The following MAN2A1 variants were observed in gnomAD, a reference collection of about 807,000 sequenced individuals.
The protein encoded by MAN2A1 is alpha-mannosidase 2.
A neutral mutation model predicts 142.6 loss-of-function variants in MAN2A1; 76 were observed. That is an observed-to-expected ratio of 0.53 (90% CI 0.44 to 0.65). The LOEUF is 0.65. Ranked by LOEUF, MAN2A1 falls within the 30% of genes least tolerant of loss-of-function variation. The pLI is 0.00. For synonymous variants in MAN2A1, 559 were observed against 473.2 expected (o/e 1.18, Z -2.35); for missense variants, 1,311 against 1,365.1 (o/e 0.96, Z 0.62).
intron 12 of MAN2A1, among the ~76,000 whole-genome samples, chr5:109,796,320 C>T (rs1025359685): frequency 2.0e-5 from 3 of 152,090 alleles, no homozygotes; most frequent in African/African-American, 7.2e-5. Flanking sequence ...ATGAAAACTC[C>T]AATTACTGGT....
At position 109,698,491 on chromosome 5, in the gene MAN2A1, T is replaced by A. The variant is rs77576314; in HGVS notation, c.135+7939T>A. ...CTGAGTCCGAACAAAATGGGGGTAA[T>A]GCGTCTCATCGAGTAGTATTAAGGT... On this transcript the variant is annotated intron_variant, in intron 1 of 21. Transcript: ENST00000261483. 8.6e-3 allele frequency among the ~76,000 whole-genome samples: 1,301 copies of A among 151,988 alleles called. 19 individuals are homozygous for A. Among genetic ancestry groups the A allele is most frequent in the African/African-American group, 0.03 (1,237 of 41,330 alleles).
At chr5:109,769,578 T>C (rs1185602721) in intron 6 of MAN2A1, among the ~76,000 whole-genome samples, 1 of 152,208 alleles carries the variant, frequency 6.6e-6, no homozygotes, top group Non-Finnish European at 1.5e-5. Context: ...TCTCACTTGT[T>C]GGTAGGCTTC....
At chr5:109,718,621 A>G (rs1454823829) in intron 3 of MAN2A1, among the ~76,000 whole-genome samples, 2 of 152,206 alleles carry the variant, frequency 1.3e-5, no homozygotes, top group Non-Finnish European at 2.9e-5. Context: ...ATAATTGCCA[A>G]ATAAATAAGA....
chr5:109,841,408 T>C (rs866469279), intron 16 of MAN2A1, among the ~76,000 whole-genome samples: 1 of 152,222 alleles, frequency 6.6e-6, no homozygotes, highest in African/African-American at 2.4e-5. Flanking sequence ...TGGTTTTCCA[T>C]TCCTGAGTTA....
Position 109,865,084 on chromosome 5 carries a change from G to A in MAN2A1, c.3220G>A (p.Gly1074Arg). The A allele has an allele frequency of 3.7e-6, 6 of 1,614,062 alleles. No homozygotes were observed. The highest frequency in any genetic ancestry group is 3.4e-6 in the Non-Finnish European group (4 of 1,179,964). ...GGCAGCCTTGATCCTCCACAGAAAA[G>A]GGTTTGATTGTCGGTTCTCTAGCAA... ...NEAALILHRK[G>R]FDCRFSSKGT... Residue 1074 changes from glycine to arginine, a missense_variant, in exon 21 of 22, where the codon GGG becomes AGG. Transcript: ENST00000261483.
Position 109,823,793 on chromosome 5 carries a change from T to A in MAN2A1, c.2522T>A (p.Phe841Tyr), listed in dbSNP as rs112884546. 1.2e-3 allele frequency: 1,908 copies of A among 1,607,932 alleles called. 19 individuals are homozygous for A. The African/African-American group carries it at 0.021, about 18-fold the overall frequency. The change falls in exon 16 of 22, where the codon TTT becomes TAT. Residue 841 changes from phenylalanine (F) to tyrosine (Y), a missense_variant. Phe to Tyr is a conservative substitution (Grantham distance 22). Around this residue, in one of 3 missense-constraint regions of MAN2A1, gnomAD observed 890 missense variants for 920.5 expected, o/e 0.97. Coordinates refer to ENST00000261483, the MANE Select transcript of MAN2A1 (RefSeq NM_002372.4). Reference protein sequence around the residue: ...HGRIYSEVTCFFDHVTHRVRL... With the variant: ...HGRIYSEVTCYFDHVTHRVRL... Reference sequence around the variant, plus strand: ...AGGATTTATTCGGAAGTGACTTGCTTTTTTGACCATGTTACTCATAGAGTC... The same window carrying A: ...AGGATTTATTCGGAAGTGACTTGCTATTTTGACCATGTTACTCATAGAGTC...
chr5:109,749,021 A>T (rs1752479370), intron 4 of MAN2A1, among the ~76,000 whole-genome samples: 1 of 151,996 alleles, frequency 6.6e-6, no homozygotes, highest in Non-Finnish European at 1.5e-5. Flanking sequence ...TGAATTTTTC[A>T]TTTAAAATTT....
At chr5:109,840,764 C>T in intron 16 of MAN2A1, 1 of 316,686 alleles carries the variant, frequency 3.2e-6, no homozygotes, top group Non-Finnish European at 6.1e-6. Context: ...CGTGCCCTGC[C>T]CCAGCCAAAT....
intron 1 of MAN2A1, among the ~76,000 whole-genome samples, chr5:109,698,514 G>GGT (rs10652843): frequency 0.15 from 23,536 of 152,150 alleles, 2,074 homozygotes; most frequent in African/African-American, 0.26. Context: ...GTAGTATTAA[G>GGT]GTTAGTGTTA....
intron 12 of MAN2A1, among the ~76,000 whole-genome samples, chr5:109,810,430 G>A (rs941852671): frequency 2.0e-5 from 3 of 152,106 alleles, no homozygotes; most frequent in African/African-American, 4.8e-5. Context: ...CTTATATTCT[G>A]TAGGCCCTAT....
At position 109,857,333 on chromosome 5, in the gene MAN2A1, C is replaced by T. The variant is rs561551508; in HGVS notation, c.3171+1999C>T. Among the ~76,000 whole-genome samples, 14 of 152,236 alleles carry T rather than the reference C, an allele frequency of 9.2e-5. No homozygotes were observed. The South Asian group carries it at 2.9e-3, about 32-fold the overall frequency. On this transcript the variant is annotated intron_variant, in intron 20 of 21. Coordinates refer to ENST00000261483, the MANE Select transcript of MAN2A1 (RefSeq NM_002372.4). Reference sequence around the variant, plus strand: ...GATTCTGCTGTGGTTTTTTGTAGGTCTACATTTTGGCTCCCCGAGGTGTCG... The same window carrying T: ...GATTCTGCTGTGGTTTTTTGTAGGTTTACATTTTGGCTCCCCGAGGTGTCG...
At chr5:109,698,448 T>C (rs1750876107) in intron 1 of MAN2A1, among the ~76,000 whole-genome samples, 1 of 152,264 alleles carries the variant, frequency 6.6e-6, no homozygotes, top group Non-Finnish European at 1.5e-5. Flanking sequence ...TTTAGTATCA[T>C]CTTTAAATTG....
In MAN2A1 at chr5:109,846,784, C is replaced by T. The variant is rs557603299; in HGVS notation, c.2842+778C>T. ...GCATTCTGTATCTTACACACACACA[C>T]AAAAACTGCTACTTCTCATTTTTCT... is the stretch of plus-strand genomic sequence containing the variant. On this transcript the variant is annotated intron_variant, in intron 18 of 21. Transcript: ENST00000261483. Among the ~76,000 whole-genome samples, 14 of 152,234 alleles carry T rather than the reference C, an allele frequency of 9.2e-5. No homozygotes were observed. In the East Asian group the frequency reaches 2.1e-3, roughly 23 times the overall value.
intron 3 of MAN2A1, among the ~76,000 whole-genome samples, chr5:109,722,597 G>C (rs1751635782): frequency 6.6e-6 from 1 of 152,046 alleles, no homozygotes; most frequent in South Asian, 2.1e-4. Context: ...TGTATTTTTA[G>C]TAGAGATGGG....
chr5:109,727,673 T>C (rs528855613), intron 3 of MAN2A1, among the ~76,000 whole-genome samples: 10 of 152,352 alleles, frequency 6.6e-5, no homozygotes, highest in African/African-American at 2.2e-4. Flanking sequence ...CCTAATTTAA[T>C]TGTACAGATG....
intron 12 of MAN2A1, 68 bp from the exon 13 acceptor site, chr5:109,817,205 C>T (rs77937336): frequency 2.6e-4 from 340 of 1,289,100 alleles, no homozygotes; most frequent in Admixed American, 9.2e-4. Flanking sequence ...TGTATATCTA[C>T]ATGTATATGT....
At chr5:109,811,611 T>A (rs1269160197) in intron 12 of MAN2A1, among the ~76,000 whole-genome samples, 1 of 151,956 alleles carries the variant, frequency 6.6e-6, no homozygotes, top group African/African-American at 2.4e-5. Context: ...TGTGTGTCTG[T>A]GTCTGTGTGT....
rs769778981 is a variant in MAN2A1 at position 109,784,769 on chromosome 5, G to T, written c.1603G>T (p.Ala535Ser). 5.0e-6 allele frequency: 8 copies of T among 1,600,116 alleles called. No individual in the cohort carries two copies. Among genetic ancestry groups the T allele is most frequent in the South Asian group, 4.6e-5 (4 of 87,520 alleles). Residue 535 changes from alanine to serine, a missense_variant, in exon 10 of 22, where the codon GCC (alanine) becomes TCC (serine). Physicochemically the swap from Ala to Ser is moderately conservative, Grantham distance 99. Around this residue, in one of 3 missense-constraint regions of MAN2A1, gnomAD observed 890 missense variants for 920.5 expected, o/e 0.97. Transcript: ENST00000261483. ...GGCTGCTGAAATTCTTTACTATTTC[G>T]CCCTGAGACAAGCTCACAAATACAA... ...LRAAEILYYF[A>S]LRQAHKYKIN... is the part of the protein sequence containing the mutation.
chr5:109,711,491 T>G (rs966646217), intron 1 of MAN2A1, among the ~76,000 whole-genome samples: 1 of 152,252 alleles, frequency 6.6e-6, no homozygotes, highest in Admixed American at 6.5e-5. Context: ...GGTTGAACTT[T>G]GGGTTATGCC....
Sources: gnomAD v4.1 joint callset for allele counts (sites outside exome capture counted in the v4.1 genomes callset) on GRCh38, gnomAD v4.1.1 for gene constraint, gnomAD v4.1.1 regional missense constraint, MANE v1.5 for transcripts, NCBI Gene and HGNC (gene_info 2026-07-23, HGNC 2026-07-21) for gene names.